ADGRV1: variants seen among roughly 807,000 people sequenced by gnomAD.
ADGRV1 encodes the protein G-protein coupled receptor 98.
A neutral mutation model predicts 596.2 loss-of-function variants in ADGRV1; 359 were observed. That is an observed-to-expected ratio of 0.60 (90% confidence interval 0.55 to 0.66). The LOEUF is 0.66. ADGRV1 is among the 30% of genes least tolerant of loss of function. The probability of loss-of-function intolerance (pLI) is 0.00; values close to 1 mark genes in which losing one functional copy is unlikely to be tolerated. For synonymous variants in ADGRV1, 2,681 were observed against 2,679.2 expected (o/e 1.00, Z -0.02); for missense variants, 7,274 against 7,575.6 (o/e 0.96, Z 1.48).
At chr5:90,691,090 T>TA in intron 31 of ADGRV1, 49 bp downstream of exon 31, 1 of 1,605,212 alleles carries the variant, frequency 6.2e-7, no homozygotes, top group Non-Finnish European at 8.5e-7. Context: ...ATACCGTATC[T>TA]ATAGTGACTA....
At chr5:91,056,445 A>G (rs1786865142) in intron 85 of ADGRV1, among the ~76,000 whole-genome samples, 1 of 152,190 alleles carries the variant, frequency 6.6e-6, no homozygotes, top group East Asian at 1.9e-4. Flanking sequence ...GCGCATCACA[A>G]TCCGATTGAG....
In ADGRV1 at chr5:90,692,792, T is replaced by C. The variant is rs1410093439; in HGVS notation, c.7133+6T>C. 6.3e-7 allele frequency: 1 copy of C among 1,577,686 alleles called. No individual in the cohort carries two copies. The highest frequency in any genetic ancestry group is 8.6e-7 in the Non-Finnish European group (1 of 1,162,612). ...AATATAACTGTCAGGCGAAGGTATA[T>C]GAGATAGCTACTTGCCTCTGTGGGA... On this transcript the variant is annotated splice_donor_region_variant and intron_variant, in intron 32 of 89. Transcript: ENST00000405460.
chr5:91,141,140 ACTACAAAATTGT>A (rs1187336104), intron 87 of ADGRV1, among the ~76,000 whole-genome samples: 5 of 152,222 alleles, frequency 3.3e-5, no homozygotes, highest in Non-Finnish European at 5.9e-5. Context: ...TAATTTAAAA[ACTACAAAATTGT>A]TGTTCCTAGG....
Position 90,710,835 on chromosome 5 carries a change from A to G in ADGRV1, c.8825-146A>G, listed in dbSNP as rs577648236. 2.4e-5 allele frequency: 13 copies of G among 541,422 alleles called. No individual in the cohort carries two copies. In the African/African-American group the frequency reaches 2.5e-4, roughly 10 times the overall value. 33.5% of individuals were successfully genotyped at this position (541,422 alleles called of 1,614,324 possible). ...CAGACGTGATAAGCATTGTCTCTTTATTTTCTTAAACATCTTTTGAGTAAT... is the reference window on the plus strand; with the variant it reads ...CAGACGTGATAAGCATTGTCTCTTTGTTTTCTTAAACATCTTTTGAGTAAT... On this transcript the variant is annotated intron_variant, in intron 39 of 89. Coordinates refer to ENST00000405460, the MANE Select transcript of ADGRV1 (RefSeq NM_032119.4).
At chr5:90,788,912 G>A (rs1421880834) in intron 68 of ADGRV1, among the ~76,000 whole-genome samples, 1 of 151,570 alleles carries the variant, frequency 6.6e-6, no homozygotes, top group Non-Finnish European at 1.5e-5. Context: ...ACAGCAGGGT[G>A]GAGGGAGAGA....
At chr5:90,977,805 G>C (rs1779740549) in intron 84 of ADGRV1, among the ~76,000 whole-genome samples, 1 of 151,920 alleles carries the variant, frequency 6.6e-6, no homozygotes, top group South Asian at 2.1e-4. Flanking sequence ...ATTATATCTG[G>C]GTATTTCAGT....
At chr5:91,077,776 A>G (rs1277895525) in intron 86 of ADGRV1, among the ~76,000 whole-genome samples, 2 of 152,308 alleles carry the variant, frequency 1.3e-5, no homozygotes, top group East Asian at 3.9e-4. Context: ...CTAAATTTCA[A>G]TATCTCAAGC....
chr5:91,096,849 C>G (rs1227704725), intron 86 of ADGRV1, among the ~76,000 whole-genome samples: 1 of 152,162 alleles, frequency 6.6e-6, no homozygotes, highest in Non-Finnish European at 1.5e-5. Context: ...AACAGAAACT[C>G]TATATCCATT....
chr5:90,906,304 T>C (rs1183082569), intron 83 of ADGRV1, among the ~76,000 whole-genome samples: 1 of 152,102 alleles, frequency 6.6e-6, no homozygotes, highest in African/African-American at 2.4e-5. Context: ...GTAGGATTGG[T>C]ATTAGTTCTT....
intron 86 of ADGRV1, among the ~76,000 whole-genome samples, chr5:91,073,989 C>T (rs894436843): frequency 7.2e-5 from 11 of 152,302 alleles, no homozygotes; most frequent in South Asian, 4.1e-4. Context: ...TGAGCCACCA[C>T]GCCCAGCCGA....
At chr5:90,923,253 T>C (rs890684063) in intron 83 of ADGRV1, among the ~76,000 whole-genome samples, 2 of 152,132 alleles carry the variant, frequency 1.3e-5, no homozygotes, top group African/African-American at 4.8e-5. Flanking sequence ...GATATTTTCA[T>C]AAACAAATAT....
chr5:90,614,814 A>C, intron 1 of ADGRV1, 21 bp from the exon 2 acceptor site: 1 of 1,533,522 alleles, frequency 6.5e-7, no homozygotes, highest in Non-Finnish European at 9.0e-7. Context: ...TGTGAATAAT[A>C]TTTTTTTCTT....
intron 83 of ADGRV1, among the ~76,000 whole-genome samples, chr5:90,940,163 G>C (rs1021682918): frequency 6.6e-6 from 1 of 152,162 alleles, no homozygotes; most frequent in Non-Finnish European, 1.5e-5. Context: ...GTTATTTCAG[G>C]CTAAGAATCT....
At chr5:90,719,401 CT>C (rs1327494777) in intron 43 of ADGRV1, among the ~76,000 whole-genome samples, 2 of 152,126 alleles carry the variant, frequency 1.3e-5, no homozygotes, top group East Asian at 1.9e-4. Flanking sequence ...AAGATTCCCC[CT>C]GTCTCTTCCC....
At position 90,711,275 on chromosome 5, in the gene ADGRV1, C is replaced by G. The variant is rs200503628; in HGVS notation, c.8995C>G (p.Gln2999Glu). 93 of 1,612,970 alleles carry G rather than the reference C, an allele frequency of 5.8e-5. No homozygotes were observed. Among genetic ancestry groups the G allele is most frequent in the Middle Eastern group, 1.6e-4 (1 of 6,076 alleles). The change falls in exon 41 of 90, where the codon CAG becomes GAG. Residue 2999 changes from glutamine (Q) to glutamate (E), a missense_variant. Coordinates refer to ENST00000405460, the MANE Select transcript of ADGRV1 (RefSeq NM_032119.4). ...CCATGTTTCCTTATTTGTGTATGCT[C>G]AGAATTTGGAAGCACAAGTGGGGCT... is the stretch of plus-strand genomic sequence containing the variant. ...LGHVSLFVYA[Q>E]NLEAQVGLDY...
intron 38 of ADGRV1, among the ~76,000 whole-genome samples, chr5:90,707,330 G>T (rs1418417197): frequency 2.0e-5 from 3 of 152,146 alleles, no homozygotes; most frequent in Non-Finnish European, 4.4e-5. Context: ...TAGTGTGTAG[G>T]ATAGGGGAAG....
chr5:91,046,090 G>A (rs1368981954), intron 85 of ADGRV1, among the ~76,000 whole-genome samples: 1 of 152,008 alleles, frequency 6.6e-6, no homozygotes, highest in Non-Finnish European at 1.5e-5. Context: ...TGACCATATT[G>A]CCAAAAGCAA....
intron 28 of ADGRV1, among the ~76,000 whole-genome samples, chr5:90,685,542 G>A (rs138868650): frequency 1.5e-4 from 23 of 151,860 alleles, no homozygotes; most frequent in East Asian, 9.7e-4. Flanking sequence ...CCAAGATGGC[G>A]CCACTACACT....
At chr5:90,959,752 CAAAAT>C (rs1408276405) in intron 83 of ADGRV1, among the ~76,000 whole-genome samples, 4 of 151,906 alleles carry the variant, frequency 2.6e-5, no homozygotes, top group African/African-American at 9.7e-5. Flanking sequence ...GGAAAAAAAT[CAAAAT>C]AATTATGCTG....
Sources: gnomAD v4.1 joint callset for allele counts (sites outside exome capture counted in the v4.1 genomes callset) on GRCh38, gnomAD v4.1.1 for gene constraint, MANE v1.5 for transcripts, NCBI Gene and HGNC (gene_info 2026-07-23, HGNC 2026-07-21) for gene names.